Variants in DPYS observed in about 807,000 individuals in gnomAD.
DPYS encodes the protein dihydropyrimidine amidohydrolase.
DPYS carries 39 observed loss-of-function variants against 50.3 expected under a neutral mutation model. The ratio of observed to expected loss-of-function variants is 0.78; its 90% CI spans 0.60 to 1.01. The LOEUF (loss-of-function observed/expected upper bound fraction) is 1.01. Ranked by LOEUF, DPYS falls within the 50% of genes least tolerant of loss-of-function variation. DPYS has a pLI of 0.00. For missense variants in DPYS, 659 were observed against 680.9 expected (o/e 0.97, Z 0.36); for synonymous variants, 245 against 250.7 (o/e 0.98, Z 0.22).
At chr8:104,461,678 G>A (rs1306912842) in intron 1 of DPYS, among the ~76,000 whole-genome samples, 1 of 152,150 alleles carries the variant, frequency 6.6e-6, no homozygotes, top group African/African-American at 2.4e-5. Flanking sequence ...GTCACATTTG[G>A]TTTGGAACAT....
intron 7 of DPYS, among the ~76,000 whole-genome samples, chr8:104,421,712 G>A (rs1271849380): frequency 6.6e-6 from 1 of 152,124 alleles, no homozygotes; most frequent in African/African-American, 2.4e-5. Flanking sequence ...AAACATAGGA[G>A]CTTTTTAGTT....
chr8:104,429,572 G>T lies in DPYS; in HGVS notation c.923C>A (p.Pro308His). Reference sequence around the variant, plus strand: ...AGCCAACAGATTCATGAGGAAGTCGGGTGTTGAGGGGTCTGGTCGCAAAGG... The same window carrying T: ...AGCCAACAGATTCATGAGGAAGTCGTGTGTTGAGGGGTCTGGTCGCAAAGG... ...GPPLRPDPST[P>H]DFLMNLLAND... Residue 308 changes from proline to histidine, a missense_variant, in exon 5 of 10, where the codon CCC becomes CAC. Physicochemically the swap from Pro to His is moderately conservative, Grantham distance 77 (BLOSUM62 -2). Coordinates refer to ENST00000351513, the MANE Select transcript of DPYS (RefSeq NM_001385.3). The T allele has an allele frequency of 6.2e-7, 1 of 1,614,084 alleles. No individual in the cohort carries two copies. The highest frequency in any genetic ancestry group is 8.5e-7 in the Non-Finnish European group (1 of 1,179,992).
chr8:104,439,114 T>C (rs1813255094), intron 4 of DPYS, among the ~76,000 whole-genome samples: 1 of 151,458 alleles, frequency 6.6e-6, no homozygotes, highest in South Asian at 2.1e-4. Context: ...ACACGTAAAA[T>C]TAAATATATC....
intron 8 of DPYS, among the ~76,000 whole-genome samples, chr8:104,386,035 G>C (rs2140506225): frequency 6.6e-6 from 1 of 152,306 alleles, no homozygotes; most frequent in South Asian, 2.1e-4. Context: ...GTTTACTTTG[G>C]TAAATGAGAA....
chr8:104,381,400 C>G (rs1409324077), intron 8 of DPYS, 86 bp from the exon 9 acceptor site: 7 of 1,235,064 alleles, frequency 5.7e-6, no homozygotes, highest in South Asian at 1.2e-5. Flanking sequence ...ATTGCGAGAG[C>G]TTTAAAAAAA....
At chr8:104,381,468 T>C in intron 8 of DPYS, 154 bp from the exon 9 acceptor site, 2 of 687,206 alleles carry the variant, frequency 2.9e-6, no homozygotes, top group East Asian at 3.0e-5. Flanking sequence ...CGGAAATTCC[T>C]GGCAACCTTG....
intron 7 of DPYS, among the ~76,000 whole-genome samples, chr8:104,418,060 C>T (rs533172341): frequency 1.3e-5 from 2 of 152,186 alleles, no homozygotes; most frequent in Non-Finnish European, 2.9e-5. Flanking sequence ...TAATAAGTAA[C>T]AAGAATTTTA....
At chr8:104,413,975 A>G (rs1034483285) in intron 7 of DPYS, among the ~76,000 whole-genome samples, 1 of 152,166 alleles carries the variant, frequency 6.6e-6, no homozygotes, top group Non-Finnish European at 1.5e-5. Context: ...CTGGGAATCC[A>G]TATCTGGTGA....
chr8:104,466,554 G>A (rs1326839519), intron 1 of DPYS, 103 bp downstream of exon 1: 2 of 1,299,618 alleles, frequency 1.5e-6, no homozygotes, highest in East Asian at 3.1e-5. Context: ...GCTCCTCGGC[G>A]CCGCGCCGCG....
chr8:104,406,645 T>A (rs529447121), intron 7 of DPYS, among the ~76,000 whole-genome samples: 1 of 152,294 alleles, frequency 6.6e-6, no homozygotes, highest in South Asian at 2.1e-4. Context: ...TCTTCCCACT[T>A]CACCTCCATC....
At chr8:104,403,883 A>G (rs1564086221) in intron 7 of DPYS, among the ~76,000 whole-genome samples, 1 of 152,178 alleles carries the variant, frequency 6.6e-6, no homozygotes, top group African/African-American at 2.4e-5. Flanking sequence ...GTCAGAGAGA[A>G]CTTCAAGTTC....
At chr8:104,438,346 C>T (rs970695269) in intron 4 of DPYS, among the ~76,000 whole-genome samples, 12 of 152,268 alleles carry the variant, frequency 7.9e-5, no homozygotes, top group Admixed American at 2.0e-4. Flanking sequence ...TTTCTTTTCT[C>T]AACCTATTTT....
intron 8 of DPYS, among the ~76,000 whole-genome samples, chr8:104,391,336 T>G (rs547165220): frequency 6.6e-6 from 1 of 152,200 alleles, no homozygotes; most frequent in South Asian, 2.1e-4. Context: ...GGAGAAGCCT[T>G]AGAACTAGTC....
intron 1 of DPYS, among the ~76,000 whole-genome samples, chr8:104,461,222 G>A (rs537197708): frequency 6.6e-6 from 1 of 151,626 alleles, no homozygotes; most frequent in Non-Finnish European, 1.5e-5. Flanking sequence ...GAGCCCAGGA[G>A]GATGAGGCTG....
Position 104,466,769 on chromosome 8 carries a change from A to ACCCGCAGC in DPYS, c.144_151dup (p.Val51GlyfsTer50). 1.3e-6 allele frequency: 2 copies of ACCCGCAGC among 1,534,180 alleles called. No individual in the cohort carries two copies. The highest frequency in any genetic ancestry group is 2.4e-5 in the South Asian group (2 of 83,594). ...GACGAGCTTGCCGGCGGCGTCGAGG[A>ACCCGCAGC]CCCGCAGCCCCGCAGGAGCGCCCCC... On this transcript the variant is annotated frameshift_variant, in exon 1 of 10. Transcript: ENST00000351513. LOFTEE classifies it high-confidence loss of function.
intron 1 of DPYS, among the ~76,000 whole-genome samples, chr8:104,462,082 T>G (rs1455328813): frequency 1.3e-5 from 2 of 152,228 alleles, no homozygotes; most frequent in Non-Finnish European, 2.9e-5. Context: ...TAATGCATAT[T>G]GAGTGACTAT....
At chr8:104,452,765 C>T (rs964040132) in intron 1 of DPYS, among the ~76,000 whole-genome samples, 2 of 152,042 alleles carry the variant, frequency 1.3e-5, no homozygotes, top group South Asian at 2.1e-4. Context: ...CACTTGAGCC[C>T]GGGAGTTTGA....
At chr8:104,399,495 G>T (rs966966260) in intron 7 of DPYS, among the ~76,000 whole-genome samples, 1 of 151,938 alleles carries the variant, frequency 6.6e-6, no homozygotes, top group Non-Finnish European at 1.5e-5. Flanking sequence ...AGACATGCAG[G>T]AGAACAAGAA....
intron 8 of DPYS, among the ~76,000 whole-genome samples, chr8:104,382,279 T>C (rs1031896251): frequency 6.6e-6 from 1 of 151,478 alleles, no homozygotes; most frequent in Non-Finnish European, 1.5e-5. Context: ...GCTCAGGAAA[T>C]GGGGGGACTC....
Sources: allele counts gnomAD v4.1 joint callset (sites outside exome capture counted in the v4.1 genomes callset), GRCh38; gene constraint gnomAD v4.1.1; transcripts MANE v1.5; gene names NCBI Gene and HGNC (gene_info 2026-07-23, HGNC 2026-07-21).